TTC7B: variants seen among roughly 807,000 people sequenced by gnomAD.
The protein encoded by TTC7B is tetratricopeptide repeat domain 7B, also known as tetratricopeptide repeat protein 7B.
Under a neutral mutation model 106.8 loss-of-function variants are expected in TTC7B, and 28 were observed. That is an observed-to-expected ratio of 0.26 (90% CI 0.19 to 0.36). TTC7B has a LOEUF of 0.36. Ranked by LOEUF, TTC7B falls within the 10% of genes least tolerant of loss-of-function variation. The pLI is 1.00. For missense variants in TTC7B, 862 were observed against 1,076.4 expected (o/e 0.80, Z 2.79); for synonymous variants, 405 against 430.6 (o/e 0.94, Z 0.74).
chr14:90,722,607 T>A (rs995690303), intron 5 of TTC7B, among the ~76,000 whole-genome samples: 3 of 152,200 alleles, frequency 2.0e-5, no homozygotes, highest in African/African-American at 7.2e-5. Flanking sequence ...GTGGCCTGTA[T>A]ACAGAGCTGC....
At chr14:90,585,510 G>A (rs565537105) in intron 18 of TTC7B, 127 of 152,588 alleles carry the variant, frequency 8.3e-4, no homozygotes, top group South Asian at 7.9e-3. Context: ...TCGTCACTGA[G>A]AGCCCTCTGC....
chr14:90,782,397 G>A lies in TTC7B; in HGVS notation c.277-1491C>T, dbSNP rs539499801. 3.9e-4 allele frequency among the ~76,000 whole-genome samples: 60 copies of A among 152,270 alleles called. 1 individual carries two copies. The highest frequency in any genetic ancestry group is 5.3e-4 in the Non-Finnish European group (36 of 68,010). On this transcript the variant is annotated intron_variant, in intron 2 of 19. Transcript: ENST00000328459. Reference sequence around the variant, plus strand: ...GCAGATCACTTGACGCCAGAAGTTCGTGACCAGCCTGGCCAACATGGTGAA... The same window carrying A: ...GCAGATCACTTGACGCCAGAAGTTCATGACCAGCCTGGCCAACATGGTGAA...
rs964790058 is a variant in TTC7B at position 90,657,301 on chromosome 14, C to T, written c.1237-23G>A. On this transcript the variant is annotated intron_variant, in intron 10 of 19. Transcript: ENST00000328459. The surrounding 1 kb of genome is among the most constrained non-coding windows in gnomAD (Gnocchi z 4.2). ...AGACTTGGCAAGAGAAGATTATTTC[C>T]GTGAAACTCAAAGTGTTTGACAGAA... The T allele has an allele frequency of 6.2e-6, 10 of 1,609,204 alleles. No individual in the cohort carries two copies. Among genetic ancestry groups the T allele is most frequent in the Admixed American group, 3.3e-5 (2 of 59,954 alleles).
chr14:90,698,168 C>T (rs1290535258), intron 5 of TTC7B: 1 of 152,172 alleles, frequency 6.6e-6, no homozygotes, highest in African/African-American at 2.4e-5. Context: ...ATCACATAAT[C>T]ATAATTTTAT....
At chr14:90,809,230 T>A (rs1428641095) in intron 1 of TTC7B, among the ~76,000 whole-genome samples, 1 of 152,260 alleles carries the variant, frequency 6.6e-6, no homozygotes, top group Non-Finnish European at 1.5e-5. Context: ...GAGAGACTAC[T>A]TCTTCCCTTT....
intron 18 of TTC7B, among the ~76,000 whole-genome samples, chr14:90,585,316 A>C (rs558778132): frequency 9.5e-4 from 145 of 152,330 alleles, no homozygotes; most frequent in African/African-American, 3.1e-3. Flanking sequence ...CAGCAGTGAC[A>C]GGCGCTAGCC....
At chr14:90,627,763 C>T (rs183089582) in intron 15 of TTC7B, among the ~76,000 whole-genome samples, 98 of 152,292 alleles carry the variant, frequency 6.4e-4, no homozygotes, top group African/African-American at 2.2e-3. Context: ...GTATTTTTAG[C>T]ACGAACAAAC....
Position 90,630,831 on chromosome 14 carries a change from G to GTTTTTTTTTT in TTC7B, c.1752-12787_1752-12786insAAAAAAAAAA, listed in dbSNP as rs201616174. ...ATCCATCAGAATGTCCTTCTATCTT[G>GTTTTTTTTTT]TTTTTTGTTTTTTTTTTTTTTGAGA... On this transcript the variant is annotated intron_variant, in intron 15 of 19. Transcript: ENST00000328459. Among the ~76,000 whole-genome samples, 2 of 141,864 alleles carry GTTTTTTTTTT rather than the reference G, an allele frequency of 1.4e-5. 1 individual carries two copies. Among genetic ancestry groups the GTTTTTTTTTT allele is most frequent in the Non-Finnish European group, 3.1e-5 (2 of 64,702 alleles). The allele number at this position is 141,864 out of a possible 152,430, so 93.1% of individuals were successfully genotyped here. A position where few individuals can be genotyped will look rare whatever the true frequency, so the allele number is the denominator to read the frequency against.
chr14:90,589,712 C>A (rs560305922), intron 18 of TTC7B, among the ~76,000 whole-genome samples: 2 of 152,122 alleles, frequency 1.3e-5, no homozygotes, highest in African/African-American at 4.8e-5. Context: ...CCCGACAGTG[C>A]GGTGAAAGCT....
chr14:90,804,996 C>T (rs1012673824), intron 1 of TTC7B, among the ~76,000 whole-genome samples: 4 of 152,176 alleles, frequency 2.6e-5, no homozygotes, highest in Non-Finnish European at 4.4e-5. Context: ...ATGGGCATTC[C>T]GTCAGCCCCG....
At chr14:90,654,413 T>C (rs937618295) in intron 12 of TTC7B, among the ~76,000 whole-genome samples, 1 of 152,172 alleles carries the variant, frequency 6.6e-6, no homozygotes, top group African/African-American at 2.4e-5. Flanking sequence ...AAAACTTAAG[T>C]ATACAAGATT....
intron 15 of TTC7B, among the ~76,000 whole-genome samples, chr14:90,628,058 G>A (rs996133786): frequency 6.6e-6 from 1 of 152,208 alleles, no homozygotes; most frequent in Non-Finnish European, 1.5e-5. Context: ...ATTCCCGAAG[G>A]CTACCTGAGC....
rs1184390924 is a variant in TTC7B, at chr14:90,533,808, A to T, written c.*7560T>A. The T allele has an allele frequency of 6.6e-6, 1 of 152,442 alleles. No individual in the cohort carries two copies. The highest frequency in any genetic ancestry group is 2.4e-5 in the African/African-American group (1 of 41,492). The allele number at this position is 152,442 out of a possible 1,614,324, so 9.4% of individuals were successfully genotyped here. A position where few individuals can be genotyped will look rare whatever the true frequency, so the allele number is the denominator to read the frequency against. On this transcript the variant is annotated 3_prime_UTR_variant, in exon 20 of 20. Coordinates refer to ENST00000328459, the MANE Select transcript of TTC7B (RefSeq NM_001010854.2). ...TCAGCGGGAGCTGCTGGCTCCAGGC[A>T]GACCTGCAGAAGATCCCCCACCACC...
intron 8 of TTC7B, among the ~76,000 whole-genome samples, chr14:90,677,021 A>G (rs1406347855): frequency 1.3e-5 from 2 of 152,136 alleles, no homozygotes. Context: ...ATCATCCATC[A>G]AGTGAGGCCC....
At chr14:90,544,963 A>T (rs1348320149) in intron 19 of TTC7B, among the ~76,000 whole-genome samples, 1 of 152,358 alleles carries the variant, frequency 6.6e-6, no homozygotes, top group African/African-American at 2.4e-5. Context: ...CCACCGTAGC[A>T]TCAGCCCCGT....
chr14:90,742,167 A>G lies in TTC7B; in HGVS notation c.576+2625T>C, dbSNP rs538438592. Among the ~76,000 whole-genome samples the G allele has an allele frequency of 3.2e-4, 49 of 152,220 alleles. No homozygotes were observed. Among genetic ancestry groups the G allele is most frequent in the Non-Finnish European group, 5.7e-4 (39 of 68,008 alleles). ...GCAATCCTCCCACCTAAGCCTCCCA[A>G]GTAGCTGGGACTACAGGCACTTGCC... On this transcript the variant is annotated intron_variant, in intron 4 of 19. Transcript: ENST00000328459. The surrounding 1 kb of genome is among the most constrained non-coding windows in gnomAD (Gnocchi z 4.1).
At chr14:90,609,556 C>A (rs2139840379) in intron 17 of TTC7B, among the ~76,000 whole-genome samples, 1 of 152,300 alleles carries the variant, frequency 6.6e-6, no homozygotes, top group Middle Eastern at 3.4e-3. Flanking sequence ...GAGCTGCTCT[C>A]AGGCTTTCTT....
At chr14:90,803,297 T>G (rs1171983844) in intron 1 of TTC7B, among the ~76,000 whole-genome samples, 1 of 152,164 alleles carries the variant, frequency 6.6e-6, no homozygotes, top group African/African-American at 2.4e-5. Flanking sequence ...CCCCTCATAC[T>G]TATGTTCTAG....
At chr14:90,617,574 C>T (rs1376906480) in intron 16 of TTC7B, among the ~76,000 whole-genome samples, 1 of 152,152 alleles carries the variant, frequency 6.6e-6, no homozygotes, top group African/African-American at 2.4e-5. Flanking sequence ...CCATCTGGAC[C>T]ACATAAATGA....
Sources: gnomAD v4.1 joint callset for allele counts (sites outside exome capture counted in the v4.1 genomes callset) on GRCh38, gnomAD v4.1.1 for gene constraint, Gnocchi (gnomAD v3.1) non-coding constraint, MANE v1.5 for transcripts, NCBI Gene and HGNC (gene_info 2026-07-23, HGNC 2026-07-21) for gene names.